CSMD1: variants seen among roughly 807,000 people sequenced by gnomAD.
CSMD1 encodes CUB and Sushi multiple domains 1.
In CSMD1, 213 loss-of-function variants were observed where a neutral mutation model predicts 417.5. The observed-to-expected ratio is 0.51, with a 90% CI of 0.46 to 0.57. The LOEUF (loss-of-function observed/expected upper bound fraction) is 0.57. Ranked by LOEUF, CSMD1 falls within the 20% of genes least tolerant of loss-of-function variation. CSMD1 has a pLI of 0.00. For missense variants in CSMD1, 6,923 were observed against 4,529.7 expected (o/e 1.53, Z -15.17); for synonymous variants, 2,862 against 1,736.8 (o/e 1.65, Z -16.11).
intron 1 of CSMD1, among the ~76,000 whole-genome samples, chr8:4,666,131 A>G (rs942748304): frequency 6.6e-6 from 1 of 152,060 alleles, no homozygotes; most frequent in Non-Finnish European, 1.5e-5. Context: ...GCATCTTCTG[A>G]TGTGCCTGTC....
At chr8:4,353,153 A>G (rs925767451) in intron 3 of CSMD1, among the ~76,000 whole-genome samples, 4 of 152,202 alleles carry the variant, frequency 2.6e-5, no homozygotes, top group Non-Finnish European at 5.9e-5. Flanking sequence ...GTCCCCACAC[A>G]ACTGTCACCT....
At chr8:4,879,710 A>C (rs563793844) in intron 1 of CSMD1, among the ~76,000 whole-genome samples, 1 of 152,176 alleles carries the variant, frequency 6.6e-6, no homozygotes, top group African/African-American at 2.4e-5. Context: ...CTGCGAAAAA[A>C]AGTGCTATTA....
intron 3 of CSMD1, among the ~76,000 whole-genome samples, chr8:4,149,207 G>A (rs542895632): frequency 2.0e-5 from 3 of 152,010 alleles, no homozygotes; most frequent in South Asian, 2.1e-4. Flanking sequence ...CAGGTGATCC[G>A]TCCACCTCGG....
chr8:3,804,565 C>T (rs1036896490), intron 5 of CSMD1, among the ~76,000 whole-genome samples: 2 of 152,096 alleles, frequency 1.3e-5, no homozygotes. Flanking sequence ...AATGCAGTCA[C>T]AGGTCCAATT....
At chr8:4,191,632 C>T (rs1183867313) in intron 3 of CSMD1, among the ~76,000 whole-genome samples, 1 of 149,972 alleles carries the variant, frequency 6.7e-6, no homozygotes, top group African/African-American at 2.5e-5. Context: ...CTACAAGATA[C>T]ATTGAAAGAA....
At chr8:3,145,939 T>A (rs1254507200) in intron 40 of CSMD1, among the ~76,000 whole-genome samples, 1 of 152,222 alleles carries the variant, frequency 6.6e-6, no homozygotes, top group Non-Finnish European at 1.5e-5. Context: ...TGACAAAACT[T>A]TGAATAGTAA....
At chr8:4,097,105 C>A (rs939714834) in intron 3 of CSMD1, among the ~76,000 whole-genome samples, 1 of 152,098 alleles carries the variant, frequency 6.6e-6, no homozygotes, top group Non-Finnish European at 1.5e-5. Flanking sequence ...CACGGCTGTG[C>A]CTTCCCCTCT....
intron 1 of CSMD1, among the ~76,000 whole-genome samples, chr8:4,868,565 AT>A (rs1382947761): frequency 2.0e-5 from 3 of 152,074 alleles, no homozygotes; most frequent in Non-Finnish European, 4.4e-5. Context: ...TACCGTTATT[AT>A]TAAAAAACCA....
At chr8:4,197,913 T>C (rs1799432619) in intron 3 of CSMD1, among the ~76,000 whole-genome samples, 1 of 152,176 alleles carries the variant, frequency 6.6e-6, no homozygotes, top group African/African-American at 2.4e-5. Flanking sequence ...ATCCATTTCA[T>C]CTATTCATTC....
intron 1 of CSMD1, among the ~76,000 whole-genome samples, chr8:4,870,701 G>A (rs1281643138): frequency 3.3e-5 from 5 of 152,208 alleles, no homozygotes; most frequent in South Asian, 2.1e-4. Context: ...AAGATGTCAC[G>A]GGACAAAGCC....
intron 1 of CSMD1, among the ~76,000 whole-genome samples, chr8:4,673,409 C>A (rs928181729): frequency 6.6e-6 from 1 of 152,142 alleles, no homozygotes; most frequent in African/African-American, 2.4e-5. Context: ...TAAGGATTAT[C>A]CTCCTTTCCA....
chr8:3,399,405 T>C lies in CSMD1; in HGVS notation c.2391A>G (p.Lys797=). 4 of 1,603,860 alleles carry C rather than the reference T, an allele frequency of 2.5e-6. No homozygotes were observed. The East Asian group carries it at 9.0e-5, about 36-fold the overall frequency. Residue 797 remains lysine (K), a synonymous_variant, in exon 16 of 70, where the codon AAA becomes AAG. Coordinates refer to ENST00000635120, the MANE Select transcript of CSMD1 (RefSeq NM_033225.6). ...IIEAKPGHSI[K]ITFDRFQTEV... The stretch of plus-strand genomic sequence containing the variant: ...TTTTTTCTTACCTGTCAAAAGTTAT[T>C]TTGATAGAGTGGCCTGGTTTTGCTT...
chr8:3,848,915 A>G (rs1803690952), intron 5 of CSMD1, among the ~76,000 whole-genome samples: 1 of 150,956 alleles, frequency 6.6e-6, no homozygotes, highest in South Asian at 2.1e-4. Flanking sequence ...TCTAGATATC[A>G]TATACATATA....
chr8:2,968,990 T>C (rs566342614), intron 57 of CSMD1, among the ~76,000 whole-genome samples: 197 of 152,298 alleles, frequency 1.3e-3, no homozygotes, highest in Non-Finnish European at 2.4e-3. Context: ...ATTAGTACTG[T>C]TCATTTTGCA....
At chr8:4,729,697 G>C (rs1051173555) in intron 1 of CSMD1, among the ~76,000 whole-genome samples, 13 of 152,192 alleles carry the variant, frequency 8.5e-5, no homozygotes, top group Non-Finnish European at 1.2e-4. Flanking sequence ...GAAAGTTCCA[G>C]TGGCTTTTCA....
At chr8:4,112,904 G>A (rs1801931877) in intron 3 of CSMD1, among the ~76,000 whole-genome samples, 1 of 152,086 alleles carries the variant, frequency 6.6e-6, no homozygotes, top group South Asian at 2.1e-4. Flanking sequence ...CAAGTCTATT[G>A]GAGCCATTTC....
At chr8:4,544,511 G>C (rs527649419) in intron 2 of CSMD1, among the ~76,000 whole-genome samples, 1 of 152,008 alleles carries the variant, frequency 6.6e-6, no homozygotes, top group East Asian at 1.9e-4. Flanking sequence ...ATGTTACATT[G>C]GGATCCACTG....
chr8:3,835,919 T>C (rs1802667069), intron 5 of CSMD1, among the ~76,000 whole-genome samples: 1 of 152,020 alleles, frequency 6.6e-6, no homozygotes, highest in South Asian at 2.1e-4. Flanking sequence ...CAACATATTT[T>C]CTCCGTAGGA....
At chr8:3,189,795 C>T in intron 34 of CSMD1, 117 bp downstream of exon 34, 1 of 855,474 alleles carries the variant, frequency 1.2e-6, no homozygotes. Context: ...AAACAAACTG[C>T]CCTTTAAATG....
Sources: gnomAD v4.1 joint callset for allele counts (sites outside exome capture counted in the v4.1 genomes callset) on GRCh38, gnomAD v4.1.1 for gene constraint, MANE v1.5 for transcripts, NCBI Gene and HGNC (gene_info 2026-07-23, HGNC 2026-07-21) for gene names.